The following PCDH15 variants were observed in gnomAD, a reference collection of about 807,000 sequenced individuals.
The protein encoded by PCDH15 is protocadherin-15.
A neutral mutation model predicts 178.5 loss-of-function variants in PCDH15; 129 were observed. That is an observed-to-expected ratio of 0.72 (90% confidence interval 0.63 to 0.84). The LOEUF (loss-of-function observed/expected upper bound fraction) is 0.84, where lower values mean the gene tolerates loss of function less well. Ranked by LOEUF, PCDH15 falls within the 40% of genes least tolerant of loss-of-function variation. PCDH15 has a pLI of 0.00. For missense variants in PCDH15, 2,230 were observed against 2,099.9 expected, an observed-to-expected ratio of 1.06 and a Z score of -1.21; for synonymous variants, 800 against 732.0, an observed-to-expected ratio of 1.09 and a Z score of -1.50.
intron 1 of PCDH15, among the ~76,000 whole-genome samples, chr10:55,274,109 T>C (rs1311707471): frequency 6.6e-6 from 1 of 152,160 alleles, no homozygotes; most frequent in African/African-American, 2.4e-5. Context: ...TTGTTCTAGT[T>C]GGTTTGTATA....
intron 1 of PCDH15, among the ~76,000 whole-genome samples, chr10:55,239,221 A>G (rs2132209468): frequency 6.6e-6 from 1 of 152,316 alleles, no homozygotes; most frequent in East Asian, 1.9e-4. Context: ...AATTAATCAT[A>G]TTCCAATATG....
Position 55,116,651 on chromosome 10 carries a change from C to T in PCDH15, c.-80+49925G>A, listed in dbSNP as rs917231599. Among the ~76,000 whole-genome samples the T allele has an allele frequency of 2.6e-5, 4 of 152,088 alleles. 1 individual carries two copies. In the South Asian group the frequency reaches 8.3e-4, roughly 31 times the overall value. On this transcript the variant is annotated intron_variant, in intron 2 of 5. Coordinates refer to the PCDH15 transcript ENST00000458638. ...CTTAGGAAATCTTATGTAATAAGTG[C>T]TCTGGCAAGCTTCCACAATAGAATC... is the stretch of plus-strand genomic sequence containing the variant.
chr10:53,860,710 G>T (rs1321715844), intron 27 of PCDH15, among the ~76,000 whole-genome samples: 1 of 133,398 alleles, frequency 7.5e-6, no homozygotes, highest in Non-Finnish European at 1.5e-5. Flanking sequence ...CAGTCTGGGC[G>T]AGAGACTCTG....
chr10:53,895,470 C>A (rs998985890), intron 26 of PCDH15, among the ~76,000 whole-genome samples: 4 of 152,112 alleles, frequency 2.6e-5, no homozygotes, highest in African/African-American at 7.2e-5. Flanking sequence ...TATTCAAAAT[C>A]TTTTTAACTT....
intron 2 of PCDH15, among the ~76,000 whole-genome samples, chr10:55,096,225 G>C (rs575309206): frequency 3.9e-5 from 6 of 152,102 alleles, no homozygotes; most frequent in Non-Finnish European, 2.9e-5. Context: ...CATCCCATGG[G>C]GAAAATCAGC....
At chr10:55,023,831 ACT>A (rs1259664769) in intron 2 of PCDH15, among the ~76,000 whole-genome samples, 3 of 150,152 alleles carry the variant, frequency 2.0e-5, no homozygotes, top group Admixed American at 6.7e-5. Flanking sequence ...ATACACACAC[ACT>A]CATATATATA....
chr10:54,184,461 T>C (rs1591024732), intron 12 of PCDH15, among the ~76,000 whole-genome samples: 1 of 152,054 alleles, frequency 6.6e-6, no homozygotes, highest in East Asian at 1.9e-4. Flanking sequence ...TGTATGTTTA[T>C]GTGTGTGTGT....
chr10:54,452,177 G>A (rs1316445982), intron 3 of PCDH15, among the ~76,000 whole-genome samples: 4 of 151,918 alleles, frequency 2.6e-5, no homozygotes, highest in Non-Finnish European at 4.4e-5. Flanking sequence ...ATAGTTGGGA[G>A]GAGGTGCTTA....
At chr10:55,380,331 T>C (rs1210121109) in intron 2 of PCDH15, among the ~76,000 whole-genome samples, 1 of 152,188 alleles carries the variant, frequency 6.6e-6, no homozygotes, top group African/African-American at 2.4e-5. Context: ...AAGAACTCTC[T>C]GATACTACAA....
At chr10:54,926,585 C>CT (rs561604005) in intron 2 of PCDH15, among the ~76,000 whole-genome samples, 1,681 of 150,086 alleles carry the variant, frequency 0.011, 14 homozygotes, top group Non-Finnish European at 0.016. Context: ...TGGTGCTGGG[C>CT]TTTTTTTTTA....
chr10:54,378,645 G>T, intron 4 of PCDH15, 137 bp downstream of exon 4: 1 of 957,190 alleles, frequency 1.0e-6, no homozygotes, highest in South Asian at 1.6e-5. Flanking sequence ...CTTTAAATGA[G>T]TTAAAGAAAC....
chr10:55,501,699 T>C (rs951289792), intron 2 of PCDH15, among the ~76,000 whole-genome samples: 3 of 151,654 alleles, frequency 2.0e-5, no homozygotes, highest in African/African-American at 7.3e-5. Flanking sequence ...AAGTTTGGAG[T>C]AGTTATGTCA....
At chr10:54,329,139 G>A (rs1384875496) in intron 7 of PCDH15, among the ~76,000 whole-genome samples, 2 of 145,756 alleles carry the variant, frequency 1.4e-5, no homozygotes, top group African/African-American at 2.6e-5. Context: ...GGAAGAACAC[G>A]ACCAATTAGG....
intron 8 of PCDH15, among the ~76,000 whole-genome samples, chr10:54,257,058 TAGATAGATAGATAG>T (rs2056953165): frequency 2.2e-5 from 3 of 133,812 alleles, no homozygotes; most frequent in African/African-American, 1.0e-4. Flanking sequence ...ATTAGATAGA[TAGATAGATAGATAG>T]ATAGATAGAT....
chr10:53,868,018 CTATGA>C (rs2079573102), intron 26 of PCDH15, among the ~76,000 whole-genome samples: 1 of 151,776 alleles, frequency 6.6e-6, no homozygotes. Context: ...TTAAATACAG[CTATGA>C]GAATCATATA....
At chr10:55,165,781 TTTC>T (rs1839181799) in intron 2 of PCDH15, among the ~76,000 whole-genome samples, 1 of 152,022 alleles carries the variant, frequency 6.6e-6, no homozygotes, top group South Asian at 2.1e-4. Context: ...CAGTTATATA[TTTC>T]TTCTTTAATA....
chr10:54,791,115 T>C (rs1393331161), intron 1 of PCDH15, among the ~76,000 whole-genome samples: 2 of 152,066 alleles, frequency 1.3e-5, no homozygotes, highest in East Asian at 1.9e-4. Context: ...CCAGTAATTA[T>C]TTATCAGTTC....
chr10:54,909,614 G>C (rs1409010177), intron 2 of PCDH15, among the ~76,000 whole-genome samples: 1 of 151,952 alleles, frequency 6.6e-6, no homozygotes, highest in African/African-American at 2.4e-5. Context: ...CCCTCAGAGT[G>C]CAAAGATTCC....
intron 3 of PCDH15, among the ~76,000 whole-genome samples, chr10:54,502,719 G>T (rs2080809940): frequency 6.6e-6 from 1 of 151,918 alleles, no homozygotes. Context: ...AATAATAAAA[G>T]TACAACAATG....
Sources: allele counts gnomAD v4.1 joint callset (sites outside exome capture counted in the v4.1 genomes callset), GRCh38; gene constraint gnomAD v4.1.1; transcripts MANE v1.5; gene names NCBI Gene and HGNC (gene_info 2026-07-23, HGNC 2026-07-21).